DYNC2H1: variants seen among roughly 807,000 people sequenced by gnomAD.
DYNC2H1 encodes the protein cytoplasmic dynein 2 heavy chain 1.
DYNC2H1 carries 410 observed loss-of-function variants against 570.0 expected under a neutral mutation model. The ratio of observed to expected loss-of-function variants is 0.72; its 90% CI spans 0.66 to 0.78. DYNC2H1 has a LOEUF of 0.78. DYNC2H1 is among the 30% of genes least tolerant of loss of function. DYNC2H1 has a pLI of 0.00. For synonymous variants in DYNC2H1, 1,688 were observed against 1,677.6 expected, an observed-to-expected ratio of 1.01 and a Z score of -0.15; for missense variants, 4,865 against 5,046.4, an observed-to-expected ratio of 0.96 and a Z score of 1.09.
chr11:103,313,104 G>C (rs1867673316), intron 79 of DYNC2H1, among the ~76,000 whole-genome samples: 1 of 152,110 alleles, frequency 6.6e-6, no homozygotes, highest in Non-Finnish European at 1.5e-5. Context: ...TCTGAGTTTG[G>C]TTATTACTTT....
rs1424075518 is a variant in DYNC2H1 at position 103,371,409 on chromosome 11, C to T, written c.12156+13050C>T. ...TTATTCAAAAGGATAATAACGAGAG[C>T]TTCTCAAATCTAGAGAAAGATATCA... On this transcript the variant is annotated intron_variant, in intron 83 of 88. Coordinates refer to ENST00000375735, the MANE Select transcript of DYNC2H1 (RefSeq NM_001377.3). 5.9e-5 allele frequency among the ~76,000 whole-genome samples: 9 copies of T among 152,194 alleles called. No individual in the cohort carries two copies. The East Asian group carries it at 1.2e-3, about 20-fold the overall frequency.
intron 83 of DYNC2H1, among the ~76,000 whole-genome samples, chr11:103,360,376 A>C (rs1169891441): frequency 6.6e-6 from 1 of 152,114 alleles, no homozygotes; most frequent in African/African-American, 2.4e-5. Flanking sequence ...AAGTTACTCG[A>C]CTTTTCTGTA....
chr11:103,364,253 G>A (rs11225745), intron 83 of DYNC2H1, among the ~76,000 whole-genome samples: 5,371 of 151,600 alleles, frequency 0.035, 310 homozygotes, highest in African/African-American at 0.12. Flanking sequence ...GAGCAAAAGG[G>A]CTAAATAAAA....
chr11:103,253,168 G>A (rs556398023), intron 65 of DYNC2H1, 117 bp from the exon 66 acceptor site: 46 of 1,082,734 alleles, frequency 4.2e-5, no homozygotes, highest in East Asian at 7.9e-5. Context: ...AACTTTTGCC[G>A]TCTTAGACTC....
chr11:103,293,412 A>C (rs6591010), intron 75 of DYNC2H1, among the ~76,000 whole-genome samples: 25,112 of 152,054 alleles, frequency 0.17, 2,255 homozygotes, highest in Admixed American at 0.25. Context: ...TTTAGATAGA[A>C]TCTGTTAGTG....
intron 17 of DYNC2H1, among the ~76,000 whole-genome samples, chr11:103,139,789 T>G (rs1261403329): frequency 1.3e-5 from 2 of 152,074 alleles, no homozygotes; most frequent in African/African-American, 2.4e-5. Context: ...TCTGTCTCGT[T>G]GATCTGTCTA....
In DYNC2H1 at chr11:103,299,268, T is replaced by C. The variant is rs1866956738; in HGVS notation, c.11096-3825T>C. ...CATGCACCCTGCTTTCATAGCTCAATCTGTCTTATCAAGTTTGTGTCTAAA... is the reference window on the plus strand; with the variant it reads ...CATGCACCCTGCTTTCATAGCTCAACCTGTCTTATCAAGTTTGTGTCTAAA... On this transcript the variant is annotated intron_variant, in intron 75 of 88. Coordinates refer to ENST00000375735, the MANE Select transcript of DYNC2H1 (RefSeq NM_001377.3). This position sits in a 1 kb window ranked among gnomAD's most constrained non-coding sequence, Gnocchi z 4.5. 2.0e-5 allele frequency among the ~76,000 whole-genome samples: 3 copies of C among 152,136 alleles called. No homozygotes were observed. The highest frequency in any genetic ancestry group is 2.0e-4 in the Admixed American group (3 of 15,248).
chr11:103,172,825 A>G lies in DYNC2H1; in HGVS notation c.5335-257A>G, dbSNP rs144184493. Among the ~76,000 whole-genome samples, 668 of 152,142 alleles carry G rather than the reference A, an allele frequency of 4.4e-3. 2 individuals are homozygous for G. The highest frequency in any genetic ancestry group is 0.015 in the African/African-American group (642 of 41,564). Reference sequence around the variant, plus strand: ...AGTATCTCTTAAACATTCAGCCTCAAAAAACTGATTGTAAATAAACTCTGC... The same window carrying G: ...AGTATCTCTTAAACATTCAGCCTCAGAAAACTGATTGTAAATAAACTCTGC... On this transcript the variant is annotated intron_variant, in intron 34 of 88. Coordinates refer to ENST00000375735, the MANE Select transcript of DYNC2H1 (RefSeq NM_001377.3).
chr11:103,215,808 A>C lies in DYNC2H1; in HGVS notation c.8782A>C (p.Lys2928Gln), dbSNP rs190819700. The change falls in exon 55 of 89, where the codon AAG becomes CAG. Residue 2928 changes from lysine to glutamine, a missense_variant. This residue lies in a region of DYNC2H1 where 2,401 missense variants were observed against 2,454.6 expected (regional missense o/e 0.98). Transcript: ENST00000375735. ...AGAACAAAGTGTGTTACTTAAAACG[A>C]AGCAAGATGAAGCAGATGCTGCCCT... ...AGEQSVLLKT[K>Q]QDEADAALQM... 363 of 1,612,752 alleles carry C rather than the reference A, an allele frequency of 2.3e-4. No individual in the cohort carries two copies. The highest frequency in any genetic ancestry group is 3.5e-4 in the Admixed American group (21 of 59,908).
chr11:103,173,228 A>C lies in DYNC2H1; in HGVS notation c.5481A>C (p.Glu1827Asp). ...ATCCAGACAATGAGCTTATTGCAGA[A>C]GTTATTCTCTATTCGGAAGGCTTTA... is the stretch of plus-strand genomic sequence containing the variant. Reference protein sequence around the residue: ...MSHPDNELIAEVILYSEGFKD... With the variant: ...MSHPDNELIADVILYSEGFKD... The change falls in exon 35 of 89, where the codon GAA becomes GAC. Residue 1827 changes from glutamate to aspartate, a missense_variant. This residue lies in a region of DYNC2H1 where 292 missense variants were observed against 300.2 expected (regional missense o/e 0.97). Transcript: ENST00000375735. 2 of 1,602,060 alleles carry C rather than the reference A, an allele frequency of 1.2e-6. No homozygotes were observed. The highest frequency in any genetic ancestry group is 1.7e-6 in the Non-Finnish European group (2 of 1,174,278).
At position 103,479,130 on chromosome 11, in the gene DYNC2H1, C is replaced by G. The variant is rs1419537349; in HGVS notation, c.12801C>G (p.Ile4267Met). The G allele has an allele frequency of 2.5e-6, 4 of 1,613,798 alleles. No homozygotes were observed. Among genetic ancestry groups the G allele is most frequent in the Middle Eastern group, 3.3e-4 (2 of 6,084 alleles). Residue 4267 changes from isoleucine to methionine, a missense_variant, in exon 89 of 89, where the codon ATC becomes ATG. This residue lies in a region of DYNC2H1 where 2,401 missense variants were observed against 2,454.6 expected (regional missense o/e 0.98). Coordinates refer to ENST00000375735, the MANE Select transcript of DYNC2H1 (RefSeq NM_001377.3). ...GTCCATATTCTCCGGATGAGTGCAT[C>G]TCTTTGCCTGTTTACACAAGTGCTG... is the stretch of plus-strand genomic sequence containing the variant. ...ACGPYSPDECISLPVYTSAER... is the reference protein window; with the variant it reads ...ACGPYSPDECMSLPVYTSAER...
chr11:103,288,684 T>TAAAAAAAAA (rs57040929), intron 75 of DYNC2H1, among the ~76,000 whole-genome samples: 49 of 27,862 alleles, frequency 1.8e-3, no homozygotes, highest in African/African-American at 3.2e-3. Flanking sequence ...CCGTCTCTAC[T>TAAAAAAAAA]AAAAAAAAAA....
At chr11:103,385,971 T>A (rs1941855290) in intron 83 of DYNC2H1, among the ~76,000 whole-genome samples, 2 of 152,204 alleles carry the variant, frequency 1.3e-5, no homozygotes, top group East Asian at 3.8e-4. Flanking sequence ...ACACACTTAG[T>A]TACTATGAGA....
intron 82 of DYNC2H1, among the ~76,000 whole-genome samples, chr11:103,349,943 C>T (rs746260288): frequency 2.0e-5 from 3 of 152,058 alleles, no homozygotes; most frequent in Non-Finnish European, 2.9e-5. Context: ...AGTTTTCCCG[C>T]CTCCCCCTTT....
intron 83 of DYNC2H1, among the ~76,000 whole-genome samples, chr11:103,360,650 T>G (rs1483824348): frequency 6.6e-6 from 1 of 152,186 alleles, no homozygotes; most frequent in African/African-American, 2.4e-5. Flanking sequence ...GGTCTGTCAT[T>G]CATTCAGAAT....
chr11:103,109,728 A>G lies in DYNC2H1; in HGVS notation c.154A>G (p.Arg52Gly). The G allele has an allele frequency of 6.2e-7, 1 of 1,613,778 alleles. No individual in the cohort carries two copies. Among genetic ancestry groups the G allele is most frequent in the South Asian group, 1.1e-5 (1 of 91,074 alleles). The change falls in exon 1 of 89, where the codon AGG becomes GGG. Residue 52 changes from arginine to glycine, a missense_variant. Physicochemically the swap from Arg to Gly is moderately radical, Grantham distance 125 (BLOSUM62 -2). Transcript: ENST00000375735. ...GGATGACGGCAACCAGATGCTCCTC[A>G]GGGTGCAGCGATCCGACGCAGGAAT... ...FLDDGNQMLLRVQRSDAGISF... is the reference protein window; with the variant it reads ...FLDDGNQMLLGVQRSDAGISF...
intron 15 of DYNC2H1, among the ~76,000 whole-genome samples, chr11:103,134,988 C>G (rs144088478): frequency 1.9e-3 from 282 of 151,978 alleles, no homozygotes; most frequent in Middle Eastern, 3.4e-3. Context: ...CAAGAAAAGG[C>G]AAAAGTACTA....
At chr11:103,323,622 A>G (rs1938325906) in intron 81 of DYNC2H1, among the ~76,000 whole-genome samples, 1 of 152,058 alleles carries the variant, frequency 6.6e-6, no homozygotes, top group Non-Finnish European at 1.5e-5. Flanking sequence ...AATCACTCAA[A>G]TATGTTGTAA....
rs1370360681 is a variant in DYNC2H1 at position 103,288,683 on chromosome 11, C to T, written c.11095+1078C>T. On this transcript the variant is annotated intron_variant, in intron 75 of 88. Coordinates refer to ENST00000375735, the MANE Select transcript of DYNC2H1 (RefSeq NM_001377.3). ...CCTACATGGTGAAACCCCGTCTCTACTAAAAAAAAAAAAAAAAAAAAAAAA... is the reference window on the plus strand; with the variant it reads ...CCTACATGGTGAAACCCCGTCTCTATTAAAAAAAAAAAAAAAAAAAAAAAA... Among the ~76,000 whole-genome samples, 4 of 20,322 alleles carry T rather than the reference C, an allele frequency of 2.0e-4. No homozygotes were observed. In the East Asian group the frequency reaches 5.3e-3, roughly 27 times the overall value. 13.3% of individuals were successfully genotyped at this position (20,322 alleles called of 152,430 possible).
Sources: gnomAD v4.1 joint callset for allele counts (sites outside exome capture counted in the v4.1 genomes callset) on GRCh38, gnomAD v4.1.1 for gene constraint, gnomAD v4.1.1 regional missense constraint, Gnocchi (gnomAD v3.1) non-coding constraint, MANE v1.5 for transcripts, NCBI Gene and HGNC (gene_info 2026-07-23, HGNC 2026-07-21) for gene names.